The following FAM124A variants were observed in gnomAD, a reference collection of about 807,000 sequenced individuals.
FAM124A encodes protein FAM124A.
FAM124A carries 23 observed loss-of-function variants against 24.5 expected under a neutral mutation model. The observed-to-expected ratio is 0.94, with a 90% CI of 0.68 to 1.33. FAM124A has a LOEUF of 1.33. FAM124A is among the 40% of genes most tolerant of loss of function. The probability of loss-of-function intolerance (pLI) is 0.00; values close to 1 mark genes in which losing one functional copy is unlikely to be tolerated. For synonymous variants in FAM124A, 287 were observed against 314.7 expected, an observed-to-expected ratio of 0.91 and a Z score of 0.93; for missense variants, 623 against 722.8, an observed-to-expected ratio of 0.86 and a Z score of 1.58.
chr13:51,259,032 T>C (rs1187986023), intron 3 of FAM124A, among the ~76,000 whole-genome samples: 1 of 152,158 alleles, frequency 6.6e-6, no homozygotes, highest in Non-Finnish European at 1.5e-5. Flanking sequence ...CCCTGGGCCA[T>C]AGATGTCTGG....
intron 1 of FAM124A, among the ~76,000 whole-genome samples, chr13:51,226,489 A>C (rs1290757717): frequency 6.6e-6 from 1 of 152,130 alleles, no homozygotes; most frequent in Non-Finnish European, 1.5e-5. Flanking sequence ...TGTTTGGGGC[A>C]ATGTTGAGTG....
intron 3 of FAM124A, among the ~76,000 whole-genome samples, chr13:51,261,418 C>A (rs1314911645): frequency 6.6e-6 from 1 of 152,246 alleles, no homozygotes; most frequent in African/African-American, 2.4e-5. Flanking sequence ...AGCTACCCAG[C>A]ATGCTTGAAA....
intron 1 of FAM124A, 101 bp downstream of exon 1, chr13:51,222,670 G>T: frequency 9.1e-7 from 1 of 1,104,504 alleles, no homozygotes. Context: ...GACGGGACCG[G>T]GGCGCGGGGC....
chr13:51,225,976 CTTTTTTTTTTTTTTTTTTTTTTTT>C (rs780570797), intron 1 of FAM124A, among the ~76,000 whole-genome samples: 3 of 67,566 alleles, frequency 4.4e-5, no homozygotes, highest in Non-Finnish European at 7.2e-5. Context: ...TGCTTGCTTT[CTTTTTTTTTTTTTTTTTTTTTTTT>C]TTTTTTTTTT....
chr13:51,236,160 G>C (rs1410160367), intron 2 of FAM124A, among the ~76,000 whole-genome samples: 1 of 152,150 alleles, frequency 6.6e-6, no homozygotes, highest in South Asian at 2.1e-4. Flanking sequence ...TGGGCCCCTG[G>C]ATCACTCTTA....
Position 51,251,612 on chromosome 13 carries a change from C to T in FAM124A, c.245C>T (p.Ser82Phe), listed in dbSNP as rs2137677896. The T allele has an allele frequency of 6.3e-7, 1 of 1,575,418 alleles. No homozygotes were observed. The highest frequency in any genetic ancestry group is 1.2e-5 in the South Asian group (1 of 85,046). Residue 82 changes from serine (S) to phenylalanine (F), a missense_variant, in exon 3 of 4, where the codon TCC becomes TTC. Physicochemically the swap from Ser to Phe is radical, Grantham distance 155. Coordinates refer to ENST00000322475, the MANE Select transcript of FAM124A (RefSeq NM_001242312.2). This position sits in a 1 kb window ranked among gnomAD's most constrained non-coding sequence, Gnocchi z 5.3. The part of the protein sequence containing the change: ...IHPDLPLFRV[S>F]ERRASRRRRK... The stretch of plus-strand genomic sequence containing the variant: ...CCCGACCTCCCGCTGTTCCGGGTGT[C>T]CGAGAGGCGGGCGTCCCGGCGGCGG...
chr13:51,257,722 G>A (rs547644001), intron 3 of FAM124A, among the ~76,000 whole-genome samples: 2 of 152,088 alleles, frequency 1.3e-5, no homozygotes, highest in South Asian at 4.2e-4. Context: ...TCTGCCTCAG[G>A]ACCTTTAAAC....
At chr13:51,246,904 G>C (rs1003762885) in intron 2 of FAM124A, among the ~76,000 whole-genome samples, 10 of 152,200 alleles carry the variant, frequency 6.6e-5, no homozygotes, top group African/African-American at 2.4e-4. Flanking sequence ...TCACACCCAA[G>C]CCTCTCACGC....
Position 51,258,627 on chromosome 13 carries a change from G to A in FAM124A, c.834+6426G>A, listed in dbSNP as rs888364036. ...CTTCAAAACTCATCCAGGGCAGCAC[G>A]TGGCATGGGCTTCAGAGTCTCAACT... On this transcript the variant is annotated intron_variant, in intron 3 of 3. Coordinates refer to ENST00000322475, the MANE Select transcript of FAM124A (RefSeq NM_001242312.2). The surrounding 1 kb of genome is among the most constrained non-coding windows in gnomAD (Gnocchi z 4.2). 1.3e-5 allele frequency among the ~76,000 whole-genome samples: 2 copies of A among 152,190 alleles called. No homozygotes were observed. The highest frequency in any genetic ancestry group is 2.4e-5 in the African/African-American group (1 of 41,434).
intron 1 of FAM124A, among the ~76,000 whole-genome samples, chr13:51,227,638 A>G (rs999259275): frequency 6.6e-6 from 1 of 152,246 alleles, no homozygotes; most frequent in African/African-American, 2.4e-5. Flanking sequence ...AGTTCCTTGT[A>G]AACCCAAATA....
Position 51,251,550 on chromosome 13 carries a change from G to C in FAM124A, c.183G>C (p.Leu61=), listed in dbSNP as rs1443055285. The part of the protein sequence containing the change: ...IIADPGESQP[L]QEAIDNVLAW... ...CAGACCCAGGGGAGTCCCAGCCCCT[G>C]CAGGAGGCCATCGACAACGTCCTGG... The change falls in exon 3 of 4, where the codon CTG becomes CTC. Residue 61 remains leucine (L), a synonymous_variant. Transcript: ENST00000322475. The surrounding 1 kb of genome is among the most constrained non-coding windows in gnomAD (Gnocchi z 5.3). 3 of 1,531,744 alleles carry C rather than the reference G, an allele frequency of 2.0e-6. No homozygotes were observed. The highest frequency in any genetic ancestry group is 2.8e-5 in the African/African-American group (2 of 72,686). 94.9% of individuals were successfully genotyped at this position (1,531,744 alleles called of 1,614,324 possible). A position where few individuals can be genotyped will look rare whatever the true frequency, so the allele number is the denominator to read the frequency against.
Position 51,281,057 on chromosome 13 carries a change from C to G in FAM124A, c.1442C>G (p.Pro481Arg). The G allele has an allele frequency of 6.2e-7, 1 of 1,614,120 alleles. No individual in the cohort carries two copies. The highest frequency in any genetic ancestry group is 8.5e-7 in the Non-Finnish European group (1 of 1,180,016). The change falls in exon 4 of 4, where the codon CCT becomes CGT. Residue 481 changes from proline to arginine, a missense_variant. By Grantham distance (103) the Pro-to-Arg change is moderately radical. Coordinates refer to ENST00000322475, the MANE Select transcript of FAM124A (RefSeq NM_001242312.2). ...VTTEASWASL[P>R]FFTKRSSSSS... ...ACAGAGGCCTCCTGGGCTTCCCTCC[C>G]TTTCTTCACCAAAAGGTCTTCCAGC...
chr13:51,229,874 T>A (rs929821251), intron 1 of FAM124A, among the ~76,000 whole-genome samples: 2 of 152,182 alleles, frequency 1.3e-5, no homozygotes, highest in South Asian at 4.1e-4. Context: ...CTTCAGAATG[T>A]TGCTAATCCT....
At chr13:51,230,261 T>C (rs1246667957) in intron 1 of FAM124A, among the ~76,000 whole-genome samples, 1 of 152,162 alleles carries the variant, frequency 6.6e-6, no homozygotes, top group Non-Finnish European at 1.5e-5. Flanking sequence ...ATGCAGCATT[T>C]TGAGTGATGT....
intron 3 of FAM124A, among the ~76,000 whole-genome samples, chr13:51,273,008 A>G (rs1954853360): frequency 6.6e-6 from 1 of 152,240 alleles, no homozygotes; most frequent in East Asian, 1.9e-4. Context: ...TAAGCTTTGT[A>G]GAACTAATGT....
chr13:51,256,616 GAC>G (rs979798297), intron 3 of FAM124A, among the ~76,000 whole-genome samples: 2 of 152,176 alleles, frequency 1.3e-5, no homozygotes, highest in Non-Finnish European at 2.9e-5. Context: ...AGGACAGAGA[GAC>G]AGATGCCACT....
intron 2 of FAM124A, among the ~76,000 whole-genome samples, chr13:51,243,069 A>G (rs907031826): frequency 1.5e-4 from 23 of 152,230 alleles, no homozygotes; most frequent in African/African-American, 4.8e-4. Flanking sequence ...GATCTATATT[A>G]TAAATGCAGT....
At chr13:51,265,678 C>T (rs957693135) in intron 3 of FAM124A, among the ~76,000 whole-genome samples, 1 of 152,060 alleles carries the variant, frequency 6.6e-6, no homozygotes, top group African/African-American at 2.4e-5. Context: ...TCATTATCAC[C>T]GCCGCCACCA....
In FAM124A at chr13:51,280,443, C is replaced by A. The variant is rs368228373; in HGVS notation, c.835-7C>A. On this transcript the variant is annotated splice_polypyrimidine_tract_variant and splice_region_variant and intron_variant, in intron 3 of 3. Coordinates refer to ENST00000322475, the MANE Select transcript of FAM124A (RefSeq NM_001242312.2). ...TGCACTAATGTGATCTGCCTCTCCC[C>A]CCACAGGCACAAAGGGTGCATAAGA... The A allele has an allele frequency of 1.3e-6, 2 of 1,580,404 alleles. No homozygotes were observed. Among genetic ancestry groups the A allele is most frequent in the Non-Finnish European group, 1.7e-6 (2 of 1,160,668 alleles).
Sources: gnomAD v4.1 joint callset for allele counts (sites outside exome capture counted in the v4.1 genomes callset) on GRCh38, gnomAD v4.1.1 for gene constraint, Gnocchi (gnomAD v3.1) non-coding constraint, MANE v1.5 for transcripts, NCBI Gene and HGNC (gene_info 2026-07-23, HGNC 2026-07-21) for gene names.